FANCA: variants seen among roughly 807,000 people sequenced by gnomAD.
FANCA encodes the protein FA complementation group A.
A neutral mutation model predicts 194.3 loss-of-function variants in FANCA; 236 were observed. The ratio of observed to expected loss-of-function variants is 1.21; its 90% confidence interval spans 1.09 to 1.35. The LOEUF (loss-of-function observed/expected upper bound fraction) is 1.35, where lower values mean the gene tolerates loss of function less well. FANCA is among the 40% of genes most tolerant of loss of function. The probability of loss-of-function intolerance (pLI) is 0.00; values close to 1 mark genes in which losing one functional copy is unlikely to be tolerated. For missense variants in FANCA, 2,628 were observed against 1,813.9 expected, an observed-to-expected ratio of 1.45 and a Z score of -8.15; for synonymous variants, 1,014 against 715.8, an observed-to-expected ratio of 1.42 and a Z score of -6.65.
At chr16:89,807,455 A>T (rs2040699460) in intron 6 of FANCA, among the ~76,000 whole-genome samples, 1 of 151,982 alleles carries the variant, frequency 6.6e-6, no homozygotes, top group Middle Eastern at 3.2e-3. Context: ...TCTGTCTCAA[A>T]AAGAAAAAAA....
In FANCA at chr16:89,781,468, T is replaced by C. The variant is rs141546500; in HGVS notation, c.1626+1391A>G. 9.8e-3 allele frequency among the ~76,000 whole-genome samples: 1,417 copies of C among 145,176 alleles called. 22 individuals carry two copies. Among genetic ancestry groups the C allele is most frequent in the African/African-American group, 0.034 (1,329 of 38,664 alleles). The stretch of plus-strand genomic sequence containing the variant: ...GCGGGCAGATCACGAGGTCAGGAGA[T>C]TGAGACCATCCTGGATAACATGGTG... On this transcript the variant is annotated intron_variant, in intron 17 of 42. Transcript: ENST00000389301.
rs1598192565 is a variant in FANCA, at chr16:89,811,740, TA to T, written c.284-670del. Reference sequence around the variant, plus strand: ...TTCCAAAATTAATTTTTTTTTGTTTTATTTTTTTGCAATGGTGTCTTACACT... The same window carrying T: ...TTCCAAAATTAATTTTTTTTTGTTTTTTTTTTTGCAATGGTGTCTTACACT... On this transcript the variant is annotated intron_variant, in intron 3 of 42. Coordinates refer to ENST00000389301, the MANE Select transcript of FANCA (RefSeq NM_000135.4). 1.2e-4 allele frequency among the ~76,000 whole-genome samples: 19 copies of T among 152,084 alleles called. No homozygotes were observed. In the East Asian group the frequency reaches 3.3e-3, roughly 26 times the overall value.
chr16:89,763,999 T>G (rs964450589), intron 28 of FANCA, among the ~76,000 whole-genome samples: 1 of 151,926 alleles, frequency 6.6e-6, no homozygotes, highest in Non-Finnish European at 1.5e-5. Flanking sequence ...TCCAGCATTT[T>G]GGGAGGCCAA....
intron 26 of FANCA, chr16:89,769,582 T>C (rs2039249622): frequency 3.7e-6 from 2 of 542,638 alleles, no homozygotes; most frequent in South Asian, 2.0e-5. Context: ...CTTAACGATA[T>C]AGACAGTTAC....
At chr16:89,810,365 C>T (rs996154553) in intron 5 of FANCA, among the ~76,000 whole-genome samples, 1 of 151,396 alleles carries the variant, frequency 6.6e-6, no homozygotes, top group African/African-American at 2.4e-5. Flanking sequence ...AAGGCGAGAC[C>T]CTGTCTCTGG....
At chr16:89,767,431 C>T (rs2039167875) in intron 26 of FANCA, among the ~76,000 whole-genome samples, 194 bp from the exon 27 acceptor site, 1 of 151,706 alleles carries the variant, frequency 6.6e-6, no homozygotes, top group Admixed American at 6.6e-5. Flanking sequence ...GCAGTGGCAC[C>T]ACCTGGGCTC....
chr16:89,791,135 G>C (rs992872353), intron 14 of FANCA: 4 of 483,594 alleles, frequency 8.3e-6, no homozygotes, highest in African/African-American at 2.0e-5. Context: ...TCAACTAAGT[G>C]AGACAGAAAC....
chr16:89,739,404 C>G (rs1041955692), intron 40 of FANCA, 74 bp downstream of exon 40: 7 of 1,561,042 alleles, frequency 4.5e-6, no homozygotes, highest in Non-Finnish European at 6.1e-6. Flanking sequence ...TCCCATCTGG[C>G]GGGACCCAGA....
At chr16:89,770,471 A>G (rs1485050006) in intron 24 of FANCA, 93 bp downstream of exon 24, 1 of 1,255,364 alleles carries the variant, frequency 8.0e-7, no homozygotes, top group Admixed American at 2.0e-5. Flanking sequence ...TCCTGCGGAG[A>G]CGAGCTCATG....
At chr16:89,739,377 G>A (rs1448233441) in intron 40 of FANCA, 88 bp from the exon 41 acceptor site, 1 of 1,589,748 alleles carries the variant, frequency 6.3e-7, no homozygotes, top group Non-Finnish European at 8.6e-7. Context: ...CTGTGGAGCA[G>A]AGGCACAGAC....
chr16:89,744,625 A>G (rs2062203189), intron 36 of FANCA: 12 of 372,364 alleles, frequency 3.2e-5, no homozygotes, highest in South Asian at 2.6e-4. Flanking sequence ...GGAGCCTGGG[A>G]GAGGCCGTTC....
rs546509230 is a variant in FANCA, at chr16:89,778,774, C to T, written c.1826+27G>A. ...TTGTCAGAAGAAACCTGGAAGTAGT[C>T]ATCCCCTTCTAACCGTTGCTGCATA... On this transcript the variant is annotated intron_variant, in intron 20 of 42. Coordinates refer to ENST00000389301, the MANE Select transcript of FANCA (RefSeq NM_000135.4). 5.6e-5 allele frequency: 90 copies of T among 1,606,860 alleles called. No individual in the cohort carries two copies. The African/African-American group carries it at 1.1e-3, about 19-fold the overall frequency.
At chr16:89,749,969 A>C (rs1304518982) in intron 31 of FANCA, 67 bp from the exon 32 acceptor site, 17 of 1,568,176 alleles carry the variant, frequency 1.1e-5, no homozygotes, top group Non-Finnish European at 2.6e-6. Context: ...TCGGGGACCC[A>C]GACGTCAGGG....
In FANCA at chr16:89,808,332, G is replaced by T. The variant is rs149159377; in HGVS notation, c.558C>A (p.His186Gln). The part of the protein sequence containing the change: ...SLLLEAVWHL[H>Q]VQGIVSLQEL... ...CTTGCAGGCTCACAATGCCTTGTAC[G>T]TGAAGATGCCACACCGCTTCAAGCA... The change falls in exon 6 of 43, where the codon CAC becomes CAA. Residue 186 changes from histidine to glutamine, a missense_variant. By Grantham distance (24) the His-to-Gln change is conservative. Transcript: ENST00000389301. 4.3e-6 allele frequency: 7 copies of T among 1,613,976 alleles called. No individual in the cohort carries two copies. The highest frequency in any genetic ancestry group is 2.7e-5 in the African/African-American group (2 of 74,904).
Position 89,795,957 on chromosome 16 carries a change from A to G in FANCA, c.955T>C (p.Phe319Leu). The G allele has an allele frequency of 6.2e-7, 1 of 1,614,036 alleles. No homozygotes were observed. The highest frequency in any genetic ancestry group is 8.5e-7 in the Non-Finnish European group (1 of 1,179,942). Residue 319 changes from phenylalanine (F) to leucine (L), a missense_variant, in exon 11 of 43, where the codon TTC (phenylalanine) becomes CTC (leucine). Transcript: ENST00000389301. ...SVISTDPLKR[F>L]FSHTLTQILT... ...ATCTGAGTCAGGGTATGACTGAAGA[A>G]CCTCTTCAGAGGATCTGTGGAAATT...
chr16:89,737,644 C>T lies in FANCA; in HGVS notation c.*957G>A. On this transcript the variant is annotated 3_prime_UTR_variant, in exon 43 of 43. Coordinates refer to ENST00000389301, the MANE Select transcript of FANCA (RefSeq NM_000135.4). ...ACAGTGTATAAAGCAGTTTAAAGAT[C>T]TTAATAAACGAGGCCCTCATAGGCC... is the stretch of plus-strand genomic sequence containing the variant. 7.2e-7 allele frequency: 1 copy of T among 1,383,260 alleles called. No individual in the cohort carries two copies. The highest frequency in any genetic ancestry group is 9.6e-7 in the Non-Finnish European group (1 of 1,041,792). 85.7% of individuals were successfully genotyped at this position (1,383,260 alleles called of 1,614,324 possible). A position where few individuals can be genotyped will look rare whatever the true frequency, so the allele number is the denominator to read the frequency against.
chr16:89,742,440 A>T (rs2062156523), intron 37 of FANCA, among the ~76,000 whole-genome samples: 1 of 152,088 alleles, frequency 6.6e-6, no homozygotes, highest in Non-Finnish European at 1.5e-5. Flanking sequence ...CGACAGTGAG[A>T]CCCTGTCTCA....
chr16:89,816,361 G>A, intron 1 of FANCA, 176 bp downstream of exon 1: 2 of 361,220 alleles, frequency 5.5e-6, no homozygotes, highest in South Asian at 2.2e-4. Context: ...GGCGCAGGAG[G>A]GGCCGGGTCC....
chr16:89,761,033 C>T lies in FANCA; in HGVS notation c.2852+916G>A, dbSNP rs9926797. On this transcript the variant is annotated intron_variant, in intron 29 of 42. Coordinates refer to ENST00000389301, the MANE Select transcript of FANCA (RefSeq NM_000135.4). ...CATATGGGCAGGCTTGTTTATTCCC[C>T]TCTATACTCCCTGCTTCTAGAACAC... Among the ~76,000 whole-genome samples the T allele has an allele frequency of 1.8e-3, 273 of 152,302 alleles. 1 individual carries two copies. Among genetic ancestry groups the T allele is most frequent in the African/African-American group, 6.3e-3 (262 of 41,560 alleles).
Sources: gnomAD v4.1 joint callset for allele counts (sites outside exome capture counted in the v4.1 genomes callset) on GRCh38, gnomAD v4.1.1 for gene constraint, MANE v1.5 for transcripts, NCBI Gene and HGNC (gene_info 2026-07-23, HGNC 2026-07-21) for gene names.